The following MRAP2 variants were observed in gnomAD, a reference collection of about 807,000 sequenced individuals.
MRAP2 encodes melanocortin-2 receptor accessory protein 2.
MRAP2 carries 20 observed loss-of-function variants against 17.4 expected under a neutral mutation model. That is an observed-to-expected ratio of 1.15 (90% confidence interval 0.81 to 1.67). The LOEUF (loss-of-function observed/expected upper bound fraction) is 1.67. Ranked by LOEUF, MRAP2 falls within the 40% of genes most tolerant of loss-of-function variation. The probability of loss-of-function intolerance (pLI) is 0.00; values close to 1 mark genes in which losing one functional copy is unlikely to be tolerated. For synonymous variants in MRAP2, 96 were observed against 88.4 expected, an observed-to-expected ratio of 1.09 and a Z score of -0.48; for missense variants, 238 against 240.0, an observed-to-expected ratio of 0.99 and a Z score of 0.05.
chr6:84,131,427 T>A, the MRAP2 span, among the ~76,000 whole-genome samples: 2 of 152,200 alleles, frequency 1.3e-5, no homozygotes, highest in South Asian at 4.1e-4. Context: ...CGTTGATCTG[T>A]CTAATGTTGA....
chr6:84,112,211 A>AT, the MRAP2 span, among the ~76,000 whole-genome samples: 2 of 152,052 alleles, frequency 1.3e-5, no homozygotes, highest in Non-Finnish European at 2.9e-5. Flanking sequence ...TGGTAGAATT[A>AT]GGCTGTGAAT....
chr6:84,097,806 A>T, the MRAP2 span, among the ~76,000 whole-genome samples: 1 of 152,182 alleles, frequency 6.6e-6, no homozygotes, highest in African/African-American at 2.4e-5. Context: ...CAGACATTGT[A>T]TATGAAAAAT....
intron 1 of MRAP2, among the ~76,000 whole-genome samples, chr6:84,054,775 C>G (rs2099491293): frequency 6.6e-6 from 1 of 152,172 alleles, no homozygotes; most frequent in Non-Finnish European, 1.5e-5. Context: ...CGCCTCCACA[C>G]ATAGGCTGAT....
chr6:84,089,307 C>T lies in MRAP2; in HGVS notation c.444C>T (p.Ile148=). ...GTGACGTCCAACTCCAGGAAGCCAT[C>T]AGAAGCAGTGGGCAGCCAGAGGAGG... ...LDSDVQLQEA[I]RSSGQPEEEL... Residue 148 remains isoleucine, a synonymous_variant, in exon 4 of 4, where the codon ATC becomes ATT. Coordinates refer to ENST00000257776, the MANE Select transcript of MRAP2 (RefSeq NM_138409.4). The T allele has an allele frequency of 3.7e-6, 6 of 1,614,210 alleles. No individual in the cohort carries two copies. The highest frequency in any genetic ancestry group is 5.1e-6 in the Non-Finnish European group (6 of 1,180,042).
chr6:84,089,698 C>T lies in MRAP2; in HGVS notation c.*217C>T. The T allele has an allele frequency of 1.9e-6, 1 of 534,932 alleles. No individual in the cohort carries two copies. Among genetic ancestry groups the T allele is most frequent in the Non-Finnish European group, 3.2e-6 (1 of 311,966 alleles). 33.1% of individuals were successfully genotyped at this position (534,932 alleles called of 1,614,324 possible). A position where few individuals can be genotyped will look rare whatever the true frequency, so the allele number is the denominator to read the frequency against. ...TTTTTGCTTTTTAATACATTTGGAG[C>T]TTTGGGAGTATTAAAGTATTTACAC... On this transcript the variant is annotated 3_prime_UTR_variant, in exon 4 of 4. Coordinates refer to ENST00000257776, the MANE Select transcript of MRAP2 (RefSeq NM_138409.4).
Position 84,080,020 on chromosome 6 carries a change from G to GT in MRAP2, c.228-9071_228-9070insT, listed in dbSNP as rs1300564963. ...TAACCTTCCCCAGCTCTATTGCCAG[G>GT]GTTTTTTTTTTGTTTGTTTGATTTT... On this transcript the variant is annotated intron_variant, in intron 3 of 3. Coordinates refer to ENST00000257776, the MANE Select transcript of MRAP2 (RefSeq NM_138409.4). Among the ~76,000 whole-genome samples, 115 of 133,772 alleles carry GT rather than the reference G, an allele frequency of 8.6e-4. 1 individual carries two copies. The highest frequency in any genetic ancestry group is 3.8e-3 in the African/African-American group (111 of 29,280). 87.8% of individuals were successfully genotyped at this position (133,772 alleles called of 152,430 possible).
chr6:84,123,887 C>T, the MRAP2 span, among the ~76,000 whole-genome samples: 1 of 152,028 alleles, frequency 6.6e-6, no homozygotes, highest in Non-Finnish European at 1.5e-5. Flanking sequence ...CCAAACAATC[C>T]CGTTACAAAC....
At chr6:84,145,372 A>G in the MRAP2 span, among the ~76,000 whole-genome samples, 12 of 152,178 alleles carry the variant, frequency 7.9e-5, no homozygotes, top group Non-Finnish European at 2.9e-5. Context: ...AAGAGCCTAT[A>G]TGATTAATCA....
At chr6:84,050,971 G>T (rs1165418981) in intron 1 of MRAP2, among the ~76,000 whole-genome samples, 3 of 152,306 alleles carry the variant, frequency 2.0e-5, no homozygotes, top group South Asian at 2.1e-4. Flanking sequence ...GCATGTTTGT[G>T]TGGGGGCATG....
intron 3 of MRAP2, among the ~76,000 whole-genome samples, chr6:84,077,874 G>A (rs928525083): frequency 4.6e-5 from 7 of 152,216 alleles, no homozygotes; most frequent in Non-Finnish European, 7.3e-5. Context: ...AGAACTTTCT[G>A]TGATGATGGA....
At chr6:84,063,106 T>TCC in intron 3 of MRAP2, 114 bp downstream of exon 3, 1 of 1,531,236 alleles carries the variant, frequency 6.5e-7, no homozygotes, top group Non-Finnish European at 8.8e-7. Flanking sequence ...GGGGTGGTTA[T>TCC]AGATTTGCTG....
chr6:84,043,380 A>T (rs1206390972), intron 1 of MRAP2, among the ~76,000 whole-genome samples: 1 of 151,972 alleles, frequency 6.6e-6, no homozygotes, highest in Non-Finnish European at 1.5e-5. Context: ...GAAGAGAGAG[A>T]TCCTCAATGT....
chr6:84,130,706 C>A, the MRAP2 span, among the ~76,000 whole-genome samples: 8 of 151,780 alleles, frequency 5.3e-5, no homozygotes, highest in African/African-American at 1.7e-4. Context: ...TGGTGATATC[C>A]CCTTTATCAT....
chr6:84,046,430 C>A (rs78951536), intron 1 of MRAP2, among the ~76,000 whole-genome samples: 2 of 151,930 alleles, frequency 1.3e-5, no homozygotes, highest in Admixed American at 6.6e-5. Context: ...ATTTGTAGTG[C>A]ACTTCTCCTG....
At chr6:84,104,061 A>T in the MRAP2 span, among the ~76,000 whole-genome samples, 3 of 152,200 alleles carry the variant, frequency 2.0e-5, no homozygotes, top group Non-Finnish European at 4.4e-5. Flanking sequence ...AACAAACTTA[A>T]TTCTTCCAAC....
chr6:84,143,062 G>A, the MRAP2 span, among the ~76,000 whole-genome samples: 1 of 151,924 alleles, frequency 6.6e-6, no homozygotes, highest in Non-Finnish European at 1.5e-5. Context: ...AAAAAAATTA[G>A]TTACCCAAAT....
At chr6:84,071,437 C>A (rs907027265) in intron 3 of MRAP2, among the ~76,000 whole-genome samples, 3 of 152,184 alleles carry the variant, frequency 2.0e-5, no homozygotes, top group African/African-American at 7.2e-5. Flanking sequence ...TAGTTTTCTG[C>A]TGAGAAATCT....
chr6:84,120,271 T>C, the MRAP2 span, among the ~76,000 whole-genome samples: 1 of 152,212 alleles, frequency 6.6e-6, no homozygotes, highest in Non-Finnish European at 1.5e-5. Flanking sequence ...TGGATCTTCC[T>C]TACTTGGTCT....
the MRAP2 span, among the ~76,000 whole-genome samples, chr6:84,139,062 T>C: frequency 6.6e-6 from 1 of 152,228 alleles, no homozygotes; most frequent in East Asian, 1.9e-4. Context: ...GATGTGCAGC[T>C]TTCCTGGCCT....
Sources: gnomAD v4.1 joint callset for allele counts (sites outside exome capture counted in the v4.1 genomes callset) on GRCh38, gnomAD v4.1.1 for gene constraint, MANE v1.5 for transcripts, NCBI Gene and HGNC (gene_info 2026-07-23, HGNC 2026-07-21) for gene names.